The following GADL1 variants were observed in gnomAD, a reference collection of about 807,000 sequenced individuals.
GADL1 encodes the protein acidic amino acid decarboxylase GADL1.
GADL1 carries 71 observed loss-of-function variants against 69.5 expected under a neutral mutation model. That is an observed-to-expected ratio of 1.02 (90% CI 0.84 to 1.25). The LOEUF (loss-of-function observed/expected upper bound fraction) is 1.25. Ranked by LOEUF, GADL1 falls within the 50% of genes most tolerant of loss-of-function variation. The pLI is 0.00. For synonymous variants in GADL1, 254 were observed against 214.4 expected, an observed-to-expected ratio of 1.18 and a Z score of -1.62; for missense variants, 737 against 631.8, an observed-to-expected ratio of 1.17 and a Z score of -1.79.
intron 11 of GADL1, among the ~76,000 whole-genome samples, chr3:30,803,717 T>C (rs1202300239): frequency 6.6e-6 from 1 of 152,210 alleles, no homozygotes; most frequent in Non-Finnish European, 1.5e-5. Context: ...GGGATTTACT[T>C]TATCAAAAAT....
At chr3:30,750,646 CTT>C (rs5847629) in intron 14 of GADL1, among the ~76,000 whole-genome samples, 19,339 of 151,026 alleles carry the variant, frequency 0.13, 1,313 homozygotes, top group East Asian at 0.23. Context: ...CTTGCAGCCA[CTT>C]TTTTTTTTTA....
rs772155250 is a variant in GADL1 at position 30,808,820 on chromosome 3, C to T, written c.1051-7732G>A. On this transcript the variant is annotated intron_variant, in intron 11 of 14. Coordinates refer to ENST00000282538, the MANE Select transcript of GADL1 (RefSeq NM_207359.3). ...TGTTATAAATATTCCCTCTTTCTGG[C>T]TTTCAAATGTATACAACATGTTACA... is the stretch of plus-strand genomic sequence containing the variant. Among the ~76,000 whole-genome samples, 6 of 152,278 alleles carry T rather than the reference C, an allele frequency of 3.9e-5. No homozygotes were observed. In the East Asian group the frequency reaches 1.2e-3, roughly 29 times the overall value.
intron 12 of GADL1, chr3:30,799,159 GCT>G (rs1405679986): frequency 6.6e-6 from 1 of 152,216 alleles, no homozygotes; most frequent in Non-Finnish European, 1.5e-5. Flanking sequence ...CTGTGTGGGG[GCT>G]CTGACCCCAC....
intron 1 of GADL1, among the ~76,000 whole-genome samples, chr3:30,870,552 A>AGT (rs1302441541): frequency 1.1e-4 from 17 of 151,726 alleles, no homozygotes; most frequent in African/African-American, 4.1e-4. Context: ...TAAACAGAGG[A>AGT]GTAACATGAA....
intron 12 of GADL1, among the ~76,000 whole-genome samples, chr3:30,796,038 G>A (rs1161099093): frequency 6.6e-6 from 1 of 152,128 alleles, no homozygotes; most frequent in African/African-American, 2.4e-5. Context: ...ATCCTCCTGT[G>A]ATATTTCTCT....
chr3:30,856,640 G>A (rs903144510), intron 3 of GADL1, among the ~76,000 whole-genome samples: 2 of 151,944 alleles, frequency 1.3e-5, no homozygotes, highest in Non-Finnish European at 2.9e-5. Context: ...CATACTCTGG[G>A]CCATCAAGAT....
intron 5 of GADL1, among the ~76,000 whole-genome samples, chr3:30,850,482 A>C (rs1399979966): frequency 6.6e-6 from 1 of 152,158 alleles, no homozygotes; most frequent in Admixed American, 6.6e-5. Flanking sequence ...TCTGGCTACA[A>C]AAAAGGACTA....
chr3:30,785,358 ACC>A, intron 13 of GADL1, among the ~76,000 whole-genome samples: 1 of 150,304 alleles, frequency 6.7e-6, no homozygotes, highest in African/African-American at 2.5e-5. Context: ...TTGAATAAAT[ACC>A]AAAAAAGCTA....
intron 14 of GADL1, among the ~76,000 whole-genome samples, chr3:30,740,193 C>G (rs746686651): frequency 6.6e-6 from 1 of 152,132 alleles, no homozygotes; most frequent in Non-Finnish European, 1.5e-5. Context: ...TGTCAGAGTT[C>G]TACGTAAGAG....
intron 12 of GADL1, among the ~76,000 whole-genome samples, chr3:30,793,274 G>T (rs1003089643): frequency 6.6e-6 from 1 of 152,014 alleles, no homozygotes; most frequent in African/African-American, 2.4e-5. Flanking sequence ...TGTGTTGTTG[G>T]AAGGAAAGCC....
At chr3:30,868,743 G>A (rs1473812543) in intron 1 of GADL1, among the ~76,000 whole-genome samples, 2 of 152,052 alleles carry the variant, frequency 1.3e-5, no homozygotes, top group East Asian at 3.9e-4. Context: ...GGTTTTGTCA[G>A]AAAGTCTGCC....
intron 1 of GADL1, among the ~76,000 whole-genome samples, chr3:30,871,431 A>G (rs1698480025): frequency 6.6e-6 from 1 of 151,792 alleles, no homozygotes; most frequent in African/African-American, 2.4e-5. Flanking sequence ...CTCCTACAAT[A>G]CCATTACTGA....
At chr3:30,855,359 G>T (rs202135003) in intron 3 of GADL1, among the ~76,000 whole-genome samples, 2 of 151,904 alleles carry the variant, frequency 1.3e-5, no homozygotes, top group Non-Finnish European at 2.9e-5. Context: ...AGGATCACAG[G>T]GTACTGCCTT....
In GADL1 at chr3:30,863,399, A is replaced by G. The variant is rs191653791; in HGVS notation, c.38-1634T>C. Among the ~76,000 whole-genome samples the G allele has an allele frequency of 9.9e-5, 15 of 152,128 alleles. 1 individual carries two copies. The highest frequency in any genetic ancestry group is 7.9e-4 in the Admixed American group (12 of 15,248). On this transcript the variant is annotated intron_variant, in intron 1 of 14. Transcript: ENST00000282538. ...AGACGGAACATGTTCAAGACTGTAC[A>G]TGCCGATCATTGACTAAATGTTAAA...
At chr3:30,758,728 T>C (rs1198145698) in intron 14 of GADL1, among the ~76,000 whole-genome samples, 1 of 152,228 alleles carries the variant, frequency 6.6e-6, no homozygotes, top group Admixed American at 6.5e-5. Flanking sequence ...TCAAGAGGAC[T>C]CCATTGTATT....
intron 14 of GADL1, among the ~76,000 whole-genome samples, chr3:30,757,318 C>T (rs1337730397): frequency 6.6e-6 from 1 of 152,018 alleles, no homozygotes; most frequent in Non-Finnish European, 1.5e-5. Flanking sequence ...TAAAAATCAG[C>T]TGATAAAGGC....
intron 14 of GADL1, among the ~76,000 whole-genome samples, chr3:30,763,568 A>G (rs977542321): frequency 2.6e-5 from 4 of 152,036 alleles, no homozygotes; most frequent in Non-Finnish European, 4.4e-5. Context: ...CCTACCAAAT[A>G]TCACCACTTA....
chr3:30,885,853 T>C (rs995419072), intron 1 of GADL1, among the ~76,000 whole-genome samples: 4 of 152,174 alleles, frequency 2.6e-5, no homozygotes, highest in South Asian at 2.1e-4. Flanking sequence ...GTGATCCTCC[T>C]ACTTTGTCCT....
At chr3:30,784,650 A>C (rs780987574) in intron 13 of GADL1, among the ~76,000 whole-genome samples, 10 of 152,190 alleles carry the variant, frequency 6.6e-5, no homozygotes, top group Non-Finnish European at 1.5e-4. Flanking sequence ...GCTACTAAAA[A>C]CAGTTTCCAA....
Sources: gnomAD v4.1 joint callset for allele counts (sites outside exome capture counted in the v4.1 genomes callset) on GRCh38, gnomAD v4.1.1 for gene constraint, MANE v1.5 for transcripts, NCBI Gene and HGNC (gene_info 2026-07-23, HGNC 2026-07-21) for gene names.